TRPS1: variants seen among roughly 807,000 people sequenced by gnomAD.
TRPS1 encodes the protein zinc finger transcription factor Trps1.
Under a neutral mutation model 101.2 loss-of-function variants are expected in TRPS1, and 6 were observed. That is an observed-to-expected ratio of 0.06 (90% CI 0.03 to 0.12). TRPS1 has a LOEUF of 0.12. TRPS1 is among the 10% of genes least tolerant of loss of function. TRPS1 has a pLI of 1.00. For synonymous variants in TRPS1, 578 were observed against 589.8 expected (o/e 0.98, Z 0.29); for missense variants, 1,363 against 1,567.0 (o/e 0.87, Z 2.20).
chr8:115,637,418 T>C, intron 1 of TRPS1: 1 of 596,838 alleles, frequency 1.7e-6, no homozygotes, highest in Non-Finnish European at 2.1e-6. Flanking sequence ...AGAAAAGTGA[T>C]GGGTTTCAAA....
At chr8:115,598,274 G>C (rs1817832777) in intron 4 of TRPS1, among the ~76,000 whole-genome samples, 1 of 152,034 alleles carries the variant, frequency 6.6e-6, no homozygotes, top group African/African-American at 2.4e-5. Context: ...CAACAATTCA[G>C]GTGTCTTAGA....
At chr8:115,507,234 A>C (rs1412288664) in intron 5 of TRPS1, among the ~76,000 whole-genome samples, 1 of 152,094 alleles carries the variant, frequency 6.6e-6, no homozygotes, top group East Asian at 1.9e-4. Context: ...GTCTAAAACA[A>C]TTAGGGCTCG....
chr8:115,580,539 G>A (rs1431083367), intron 5 of TRPS1, among the ~76,000 whole-genome samples: 1 of 151,950 alleles, frequency 6.6e-6, no homozygotes, highest in African/African-American at 2.4e-5. Flanking sequence ...TCTTTTGGGG[G>A]CCCTGTTATG....
intron 1 of TRPS1, among the ~76,000 whole-genome samples, chr8:115,631,631 A>T (rs1818643081): frequency 1.8e-5 from 2 of 113,996 alleles, no homozygotes; most frequent in South Asian, 6.2e-4. Context: ...TTCTTATTAG[A>T]TGCATGGATG....
intron 5 of TRPS1, among the ~76,000 whole-genome samples, chr8:115,576,397 G>A (rs2130413862): frequency 6.6e-6 from 1 of 152,044 alleles, no homozygotes; most frequent in South Asian, 2.1e-4. Flanking sequence ...TCAATTCATA[G>A]ATCTGAATGT....
intron 3 of TRPS1, among the ~76,000 whole-genome samples, chr8:115,616,376 A>AT (rs1192034399): frequency 2.0e-5 from 3 of 152,164 alleles, no homozygotes; most frequent in Non-Finnish European, 2.9e-5. Flanking sequence ...AAATCTTCGA[A>AT]TTTGTTTAAA....
intron 5 of TRPS1, among the ~76,000 whole-genome samples, chr8:115,514,058 A>G (rs1385733636): frequency 6.6e-6 from 1 of 151,698 alleles, no homozygotes; most frequent in African/African-American, 2.4e-5. Flanking sequence ...AGTAGATTAA[A>G]TATAATACAC....
intron 5 of TRPS1, among the ~76,000 whole-genome samples, chr8:115,573,737 T>C (rs1426263636): frequency 6.6e-6 from 1 of 152,214 alleles, no homozygotes; most frequent in Admixed American, 6.5e-5. Context: ...TAGAAAATTA[T>C]CCTAACCTTT....
At chr8:115,590,021 G>A (rs986344986) in intron 4 of TRPS1, among the ~76,000 whole-genome samples, 1 of 152,096 alleles carries the variant, frequency 6.6e-6, no homozygotes, top group Non-Finnish European at 1.5e-5. Context: ...GGAGGCTGAG[G>A]CAGGAGAATT....
intron 4 of TRPS1, among the ~76,000 whole-genome samples, chr8:115,603,440 G>T (rs537355841): frequency 6.6e-6 from 1 of 152,134 alleles, no homozygotes; most frequent in East Asian, 1.9e-4. Context: ...TGAGCAACAG[G>T]TTCTCAAAAT....
chr8:115,479,020 A>G (rs1238779271), intron 5 of TRPS1, among the ~76,000 whole-genome samples: 2 of 151,134 alleles, frequency 1.3e-5, no homozygotes, highest in Admixed American at 6.6e-5. Context: ...CTAACTTAAT[A>G]AACAGTTTTG....
intron 3 of TRPS1, among the ~76,000 whole-genome samples, chr8:115,613,127 AC>A (rs1200112625): frequency 6.6e-6 from 1 of 152,178 alleles, no homozygotes; most frequent in African/African-American, 2.4e-5. Context: ...AAAGTCAAAC[AC>A]CTGGATGAAA....
chr8:115,447,163 A>G (rs1813758055), intron 5 of TRPS1, among the ~76,000 whole-genome samples: 1 of 152,172 alleles, frequency 6.6e-6, no homozygotes, highest in Non-Finnish European at 1.5e-5. Flanking sequence ...TTTTAGCTCC[A>G]GCTGTACTAT....
At chr8:115,519,508 G>A (rs1327679062) in intron 5 of TRPS1, among the ~76,000 whole-genome samples, 2 of 151,562 alleles carry the variant, frequency 1.3e-5, no homozygotes, top group African/African-American at 4.8e-5. Flanking sequence ...TTCGATAGAT[G>A]ATCATTGGAT....
At chr8:115,654,990 C>G (rs191812468) in intron 1 of TRPS1, among the ~76,000 whole-genome samples, 95 of 152,246 alleles carry the variant, frequency 6.2e-4, no homozygotes, top group African/African-American at 2.2e-3. Flanking sequence ...GGCAGATTTC[C>G]TCAGCAAACA....
chr8:115,566,200 C>T (rs1487622901), intron 5 of TRPS1, among the ~76,000 whole-genome samples: 1 of 152,100 alleles, frequency 6.6e-6, no homozygotes, highest in Non-Finnish European at 1.5e-5. Context: ...CAGAATGTTG[C>T]ATGTATCATA....
At chr8:115,541,444 A>C (rs951991201) in intron 5 of TRPS1, among the ~76,000 whole-genome samples, 6 of 152,212 alleles carry the variant, frequency 3.9e-5, no homozygotes, top group Non-Finnish European at 8.8e-5. Context: ...TGGTTATGCC[A>C]AGGCAATAGA....
At chr8:115,544,856 G>T (rs1179025784) in intron 5 of TRPS1, among the ~76,000 whole-genome samples, 1 of 150,554 alleles carries the variant, frequency 6.6e-6, no homozygotes, top group Non-Finnish European at 1.5e-5. Context: ...ACAGGAGAAG[G>T]AGGAGAAGAA....
intron 5 of TRPS1, among the ~76,000 whole-genome samples, chr8:115,554,707 C>A (rs187286175): frequency 6.6e-6 from 1 of 152,156 alleles, no homozygotes; most frequent in African/African-American, 2.4e-5. Flanking sequence ...ATAATAGAAG[C>A]AGAAATAAAT....
Sources: gnomAD v4.1 joint callset for allele counts (sites outside exome capture counted in the v4.1 genomes callset) on GRCh38, gnomAD v4.1.1 for gene constraint, MANE v1.5 for transcripts, NCBI Gene and HGNC (gene_info 2026-07-23, HGNC 2026-07-21) for gene names.